The following PTPN7 variants were observed in gnomAD, a reference collection of about 807,000 sequenced individuals.
The protein encoded by PTPN7 is protein tyrosine phosphatase non-receptor type 7, also known as tyrosine-protein phosphatase non-receptor type 7.
Under a neutral mutation model 50.3 loss-of-function variants are expected in PTPN7, and 33 were observed. The observed-to-expected ratio is 0.66, with a 90% confidence interval of 0.50 to 0.88. The LOEUF (loss-of-function observed/expected upper bound fraction) is 0.88, where lower values mean the gene tolerates loss of function less well. PTPN7 is among the 40% of genes least tolerant of loss of function. PTPN7 has a pLI of 0.00. For missense variants in PTPN7, 412 were observed against 475.4 expected, an observed-to-expected ratio of 0.87 and a Z score of 1.24; for synonymous variants, 185 against 186.6, an observed-to-expected ratio of 0.99 and a Z score of 0.07.
intron 8 of PTPN7, 97 bp downstream of exon 8, chr1:202,152,445 C>T: frequency 7.1e-7 from 1 of 1,400,354 alleles, no homozygotes; most frequent in Non-Finnish European, 9.6e-7. Context: ...CTAGGCTTGC[C>T]TGATGCTTTT....
At chr1:202,151,944 A>G (rs1451504059) in intron 8 of PTPN7, among the ~76,000 whole-genome samples, 1 of 151,834 alleles carries the variant, frequency 6.6e-6, no homozygotes, top group Non-Finnish European at 1.5e-5. Context: ...TTTGAGATGG[A>G]GTCTCGCTCT....
rs377638610 is a variant in PTPN7, at chr1:202,158,271, G to C, written c.153C>G (p.Asp51Glu). ...GTTCTACGGCCCCCAGGGACCGAACGTCCAGCATCAGAGCCACATTGGAGC... is the reference window on the plus strand; with the variant it reads ...GTTCTACGGCCCCCAGGGACCGAACCTCCAGCATCAGAGCCACATTGGAGC... The part of the protein sequence containing the change: ...RRGSNVALML[D>E]VRSLGAVEPI... The change falls in exon 3 of 10, where the codon GAC (aspartate) becomes GAG (glutamate). Residue 51 changes from aspartate to glutamate, a missense_variant. Transcript: ENST00000691036. 6.8e-6 allele frequency: 11 copies of C among 1,614,048 alleles called. No homozygotes were observed. In the East Asian group the frequency reaches 2.2e-4, roughly 33 times the overall value.
Position 202,158,636 on chromosome 1 carries a change from G to A in PTPN7, c.123-335C>T, listed in dbSNP as rs909620614. 1.2e-5 allele frequency: 3 copies of A among 249,648 alleles called. No homozygotes were observed. The South Asian group carries it at 2.1e-4, about 17-fold the overall frequency. The allele number at this position is 249,648 out of a possible 1,614,324, so 15.5% of individuals were successfully genotyped here. A position where few individuals can be genotyped will look rare whatever the true frequency, so the allele number is the denominator to read the frequency against. On this transcript the variant is annotated intron_variant, in intron 2 of 9. Coordinates refer to ENST00000691036, the MANE Select transcript of PTPN7 (RefSeq NM_002832.4). ...TCTGCCTTGGCTTCCCAAAGTGCTGGGATTATAGGCATGAGCCACTGTGCC... is the reference window on the plus strand; with the variant it reads ...TCTGCCTTGGCTTCCCAAAGTGCTGAGATTATAGGCATGAGCCACTGTGCC...
At chr1:202,154,148 T>C in intron 6 of PTPN7, 38 bp downstream of exon 6, 1 of 1,612,868 alleles carries the variant, frequency 6.2e-7, no homozygotes, top group East Asian at 2.2e-5. Context: ...GGCATAGCAC[T>C]TTCTGGGTTC....
chr1:202,160,733 C>G (rs924060842), upstream of PTPN7: 5 of 1,550,454 alleles, frequency 3.2e-6, no homozygotes, highest in South Asian at 4.8e-5. The surrounding 1 kb of genome is among the most constrained non-coding windows in gnomAD (Gnocchi z 4.8). Flanking sequence ...GGTCGGCTGC[C>G]TCCCGCCTGT....
At position 202,158,304 on chromosome 1, in the gene PTPN7, G is replaced by A. The variant is rs370748743; in HGVS notation, c.123-3C>T. ...TCAGAGCCACATTGGAGCCCCGCCTGCAGGCATAGCCCACCACTGCCTAGT... is the reference window on the plus strand; with the variant it reads ...TCAGAGCCACATTGGAGCCCCGCCTACAGGCATAGCCCACCACTGCCTAGT... On this transcript the variant is annotated splice_polypyrimidine_tract_variant and splice_region_variant and intron_variant, in intron 2 of 9. Coordinates refer to ENST00000691036, the MANE Select transcript of PTPN7 (RefSeq NM_002832.4). 5.6e-5 allele frequency: 91 copies of A among 1,613,614 alleles called. No homozygotes were observed. Among genetic ancestry groups the A allele is most frequent in the Non-Finnish European group, 7.1e-5 (84 of 1,179,872 alleles).
chr1:202,160,823 T>C, upstream of PTPN7: 1 of 1,530,334 alleles, frequency 6.5e-7, no homozygotes, highest in Non-Finnish European at 8.8e-7. The surrounding 1 kb of genome is among the most constrained non-coding windows in gnomAD (Gnocchi z 4.8). Flanking sequence ...TTTCCCCAGC[T>C]TCCAGACCCT....
At position 202,159,191 on chromosome 1, in the gene PTPN7, C is replaced by T; in HGVS notation, c.122+90G>A. 3 of 1,329,482 alleles carry T rather than the reference C, an allele frequency of 2.3e-6. No individual in the cohort carries two copies. The highest frequency in any genetic ancestry group is 3.2e-6 in the Non-Finnish European group (3 of 939,022). The allele number at this position is 1,329,482 out of a possible 1,614,324, so 82.4% of individuals were successfully genotyped here. A position where few individuals can be genotyped will look rare whatever the true frequency, so the allele number is the denominator to read the frequency against. Reference sequence around the variant, plus strand: ...ACAACTGAGGGCCCTCTGGACCCTGCTGTCAGAGCTGGAGGGGCAGATGGA... The same window carrying T: ...ACAACTGAGGGCCCTCTGGACCCTGTTGTCAGAGCTGGAGGGGCAGATGGA... On this transcript the variant is annotated intron_variant, in intron 2 of 9. Coordinates refer to ENST00000691036, the MANE Select transcript of PTPN7 (RefSeq NM_002832.4). This position sits in a 1 kb window ranked among gnomAD's most constrained non-coding sequence, Gnocchi z 4.6.
rs1655514673 is a variant in PTPN7 at position 202,148,009 on chromosome 1, G to A, written c.*597C>T. On this transcript the variant is annotated 3_prime_UTR_variant, in exon 10 of 10. Coordinates refer to ENST00000691036, the MANE Select transcript of PTPN7 (RefSeq NM_002832.4). ...TCTTTCTTTTGATTGGGGTCATCCA[G>A]CCCTTCCGATGTGTGGTCAGGGAGC... 6.6e-6 allele frequency: 1 copy of A among 152,352 alleles called. No homozygotes were observed. The highest frequency in any genetic ancestry group is 1.5e-5 in the Non-Finnish European group (1 of 68,162). The allele number at this position is 152,352 out of a possible 1,614,324, so 9.4% of individuals were successfully genotyped here. A position where few individuals can be genotyped will look rare whatever the true frequency, so the allele number is the denominator to read the frequency against.
At position 202,159,409 on chromosome 1, in the gene PTPN7, G is replaced by A. The variant is rs374600397; in HGVS notation, c.-7C>T. 1.9e-6 allele frequency: 3 copies of A among 1,614,184 alleles called. No homozygotes were observed. The South Asian group carries it at 3.3e-5, about 18-fold the overall frequency. Reference sequence around the variant, plus strand: ...CCCCATGGGCTTGGACCATGCTGAGGTGGGGTGCTGGGCCCAGGGGAGGCT... The same window carrying A: ...CCCCATGGGCTTGGACCATGCTGAGATGGGGTGCTGGGCCCAGGGGAGGCT... On this transcript the variant is annotated 5_prime_UTR_variant, in exon 2 of 10. Coordinates refer to ENST00000691036, the MANE Select transcript of PTPN7 (RefSeq NM_002832.4). This position sits in a 1 kb window ranked among gnomAD's most constrained non-coding sequence, Gnocchi z 4.6.
upstream of PTPN7, chr1:202,160,871 C>G (rs1012217607): frequency 2.0e-6 from 3 of 1,473,518 alleles, no homozygotes; most frequent in African/African-American, 2.8e-5. This position sits in a 1 kb window ranked among gnomAD's most constrained non-coding sequence, Gnocchi z 4.8. Context: ...GTCTTTGTCA[C>G]ATCCAGCCGC....
intron 4 of PTPN7, among the ~76,000 whole-genome samples, chr1:202,157,156 A>T (rs1349195721): frequency 2.6e-5 from 4 of 152,096 alleles, no homozygotes; most frequent in African/African-American, 9.7e-5. Context: ...TAGTTTCCTC[A>T]CTTGTAAAAT....
Position 202,159,549 on chromosome 1 carries a change from T to C in PTPN7, c.-52-95A>G. 1 of 1,516,350 alleles carries C rather than the reference T, an allele frequency of 6.6e-7. No individual in the cohort carries two copies. The highest frequency in any genetic ancestry group is 2.3e-5 in the East Asian group (1 of 43,898). 93.9% of individuals were successfully genotyped at this position (1,516,350 alleles called of 1,614,324 possible). On this transcript the variant is annotated intron_variant, in intron 1 of 9. Transcript: ENST00000691036. This position sits in a 1 kb window ranked among gnomAD's most constrained non-coding sequence, Gnocchi z 4.6. Reference sequence around the variant, plus strand: ...GGCCAGGTTTGCACTCTGTTTTCACTGGGGCGTCTTCTGTTCCCCAAGAGG... The same window carrying C: ...GGCCAGGTTTGCACTCTGTTTTCACCGGGGCGTCTTCTGTTCCCCAAGAGG...
In PTPN7 at chr1:202,151,764, G is replaced by A. The variant is rs781540968; in HGVS notation, c.875+778C>T. ...ACTCCCGACCTCAGGTGATCCTCCC[G>A]CCTCAGCCTCCCAAAGTGCTGAGAT... On this transcript the variant is annotated intron_variant, in intron 8 of 9. Transcript: ENST00000691036. 1.1e-4 allele frequency among the ~76,000 whole-genome samples: 17 copies of A among 152,130 alleles called. No individual in the cohort carries two copies. The East Asian group carries it at 1.5e-3, about 14-fold the overall frequency.
rs968000851 is a variant in PTPN7 at position 202,159,379 on chromosome 1, G to C, written c.24C>G (p.Arg8=). 2 of 1,614,110 alleles carry C rather than the reference G, an allele frequency of 1.2e-6. No homozygotes were observed. Among genetic ancestry groups the C allele is most frequent in the Admixed American group, 1.7e-5 (1 of 60,008 alleles). MVQAHGG[R]SRAQPLTLSL... is the part of the protein sequence containing the mutation. ...ACAAGGTCAACGGCTGTGCTCTGGA[G>C]CGCCCCCCATGGGCTTGGACCATGC... is the stretch of plus-strand genomic sequence containing the variant. Residue 8 remains arginine, a synonymous_variant, in exon 2 of 10, where the codon CGC becomes CGG. Transcript: ENST00000691036. The surrounding 1 kb of genome is among the most constrained non-coding windows in gnomAD (Gnocchi z 4.6).
chr1:202,149,085 C>T (rs1020160160), intron 9 of PTPN7, among the ~76,000 whole-genome samples: 3 of 152,000 alleles, frequency 2.0e-5, no homozygotes, highest in Non-Finnish European at 4.4e-5. Flanking sequence ...GAACTCCTGA[C>T]CTCAAGTGAT....
chr1:202,161,156 G>T, upstream of PTPN7: 2 of 1,180,114 alleles, frequency 1.7e-6, no homozygotes, highest in East Asian at 4.4e-5. Flanking sequence ...GAAGAAGCAA[G>T]AATCCATGCC....
upstream of PTPN7, chr1:202,160,761 G>T: frequency 5.8e-6 from 9 of 1,550,912 alleles, no homozygotes; most frequent in Non-Finnish European, 5.2e-6. The surrounding 1 kb of genome is among the most constrained non-coding windows in gnomAD (Gnocchi z 4.8). Context: ...TGGGGCCCAA[G>T]GCCCCGTTCC....
At chr1:202,156,920 C>A (rs563277861) in intron 4 of PTPN7, among the ~76,000 whole-genome samples, 1 of 152,260 alleles carries the variant, frequency 6.6e-6, no homozygotes, top group South Asian at 2.1e-4. Flanking sequence ...TCACCCCCTC[C>A]TAGCACAGTG....
Sources: allele counts gnomAD v4.1 joint callset (sites outside exome capture counted in the v4.1 genomes callset), GRCh38; gene constraint gnomAD v4.1.1; non-coding constraint Gnocchi (gnomAD v3.1); transcripts MANE v1.5; gene names NCBI Gene and HGNC (gene_info 2026-07-23, HGNC 2026-07-21).